Variants in CLIP4 observed in about 807,000 individuals in gnomAD.
The protein encoded by CLIP4 is CAP-Gly domain-containing linker protein 4.
CLIP4 carries 47 observed loss-of-function variants against 73.1 expected under a neutral mutation model. That is an observed-to-expected ratio of 0.64 (90% CI 0.51 to 0.82). The LOEUF (loss-of-function observed/expected upper bound fraction) is 0.82. CLIP4 is among the 40% of genes least tolerant of loss of function. The pLI is 0.00. For synonymous variants in CLIP4, 306 were observed against 295.4 expected, an observed-to-expected ratio of 1.04 and a Z score of -0.37; for missense variants, 874 against 852.9, an observed-to-expected ratio of 1.02 and a Z score of -0.31.
intron 7 of CLIP4, among the ~76,000 whole-genome samples, chr2:29,144,798 C>CTTT (rs34304199): frequency 0.033 from 2,806 of 84,206 alleles, 263 homozygotes; most frequent in African/African-American, 0.12. Flanking sequence ...AGTTATATCC[C>CTTT]TTTTTTTTTT....
chr2:29,159,981 C>T lies in CLIP4; in HGVS notation c.1400-352C>T, dbSNP rs79265757. On this transcript the variant is annotated intron_variant, in intron 11 of 15. Coordinates refer to ENST00000320081, the MANE Select transcript of CLIP4 (RefSeq NM_024692.6). Reference sequence around the variant, plus strand: ...TAGCAAATCCTAACATATTTACTGTCCAGCAATTTGCAGAAACAGTTTGCT... The same window carrying T: ...TAGCAAATCCTAACATATTTACTGTTCAGCAATTTGCAGAAACAGTTTGCT... Among the ~76,000 whole-genome samples the T allele has an allele frequency of 1.2e-4, 19 of 152,330 alleles. No homozygotes were observed. The East Asian group carries it at 3.1e-3, about 25-fold the overall frequency.
At chr2:29,136,558 G>A (rs914784260) in intron 6 of CLIP4, among the ~76,000 whole-genome samples, 1 of 152,076 alleles carries the variant, frequency 6.6e-6, no homozygotes, top group South Asian at 2.1e-4. Context: ...GGACAGGGAA[G>A]CAGTCAGTTT....
At chr2:29,116,960 TTTAGA>T (rs1166713632) in intron 1 of CLIP4, among the ~76,000 whole-genome samples, 12 of 152,260 alleles carry the variant, frequency 7.9e-5, no homozygotes, top group Admixed American at 7.2e-4. Flanking sequence ...ACTAGTGATC[TTTAGA>T]TTATATAAAA....
chr2:29,157,314 A>G lies in CLIP4; in HGVS notation c.1366A>G (p.Lys456Glu). 6.2e-7 allele frequency: 1 copy of G among 1,614,124 alleles called. No homozygotes were observed. Among genetic ancestry groups the G allele is most frequent in the East Asian group, 2.2e-5 (1 of 44,876 alleles). ...CAGCAGTAACAAGAAGACAATGAGC[A>G]AAAGCCCTTCCCTTTCATCCAGAGC... The part of the protein sequence containing the change: ...AISSNKKTMS[K>E]SPSLSSRASA... Residue 456 changes from lysine (K) to glutamate (E), a missense_variant, in exon 11 of 16, where the codon AAA becomes GAA. By Grantham distance (56) the Lys-to-Glu change is moderately conservative (BLOSUM62 1). Coordinates refer to ENST00000320081, the MANE Select transcript of CLIP4 (RefSeq NM_024692.6).
chr2:29,117,344 GTT>G (rs34002777), intron 1 of CLIP4, among the ~76,000 whole-genome samples: 1 of 141,714 alleles, frequency 7.1e-6, no homozygotes. Context: ...TTTTGTTTTT[GTT>G]TTTTTTTTTT....
chr2:29,166,255 G>A (rs550641049), intron 13 of CLIP4, among the ~76,000 whole-genome samples: 4 of 152,104 alleles, frequency 2.6e-5, no homozygotes, highest in Non-Finnish European at 5.9e-5. Flanking sequence ...TCTTAATAAG[G>A]TAGTGTCCAG....
intron 14 of CLIP4, among the ~76,000 whole-genome samples, chr2:29,171,739 T>C (rs778123830): frequency 1.3e-5 from 2 of 152,032 alleles, no homozygotes; most frequent in Non-Finnish European, 2.9e-5. Context: ...AGGGTGGTCT[T>C]GATCTCCTGA....
upstream of CLIP4, among the ~76,000 whole-genome samples, chr2:29,111,488 G>A (rs1177049823): frequency 4.6e-5 from 7 of 152,272 alleles, no homozygotes; most frequent in South Asian, 1.2e-3. Flanking sequence ...GTGGCTATGG[G>A]GTCACACTCT....
chr2:29,098,590 C>T (rs912864591), intron 1 of CLIP4, among the ~76,000 whole-genome samples: 5 of 152,190 alleles, frequency 3.3e-5, no homozygotes, highest in East Asian at 3.8e-4. Context: ...AGAGGTACTA[C>T]GGTTTGTTTA....
intron 1 of CLIP4, among the ~76,000 whole-genome samples, chr2:29,103,701 T>C (rs770697181): frequency 2.1e-5 from 3 of 144,210 alleles, no homozygotes; most frequent in Non-Finnish European, 2.9e-5. Context: ...GTTTTTTTTT[T>C]GTTTTTGTTC....
chr2:29,149,741 A>G, intron 8 of CLIP4, among the ~76,000 whole-genome samples: 1 of 151,528 alleles, frequency 6.6e-6, no homozygotes, highest in East Asian at 1.9e-4. Flanking sequence ...AAAAAAAAAA[A>G]AAGAAGAATG....
intron 1 of CLIP4, among the ~76,000 whole-genome samples, chr2:29,105,714 G>C (rs1002107042): frequency 1.3e-5 from 2 of 152,188 alleles, no homozygotes; most frequent in Non-Finnish European, 1.5e-5. Context: ...GGTTTTTGGA[G>C]GTGAGGCCTT....
At chr2:29,112,860 T>C (rs7606216), upstream of CLIP4, among the ~76,000 whole-genome samples, 1 of 152,202 alleles carries the variant, frequency 6.6e-6, no homozygotes, top group Non-Finnish European at 1.5e-5. Flanking sequence ...CCATCCCATA[T>C]CCAGTCCATG....
In CLIP4 at chr2:29,131,357, T is replaced by C; in HGVS notation, c.233T>C (p.Val78Ala). Reference sequence around the variant, plus strand: ...TTATTTGCCATTTTGAGACAGTGGGTTCCTCAGGTCCAACAAAACATTGAC... The same window carrying C: ...TTATTTGCCATTTTGAGACAGTGGGCTCCTCAGGTCCAACAAAACATTGAC... ...SELFAILRQW[V>A]PQVQQNIDII... Residue 78 changes from valine (V) to alanine (A), a missense_variant, in exon 3 of 16, where the codon GTT (valine) becomes GCT (alanine). Val to Ala is a moderately conservative substitution (Grantham distance 64). Coordinates refer to ENST00000320081, the MANE Select transcript of CLIP4 (RefSeq NM_024692.6). 1 of 1,608,274 alleles carries C rather than the reference T, an allele frequency of 6.2e-7. No homozygotes were observed. Among genetic ancestry groups the C allele is most frequent in the Non-Finnish European group, 8.5e-7 (1 of 1,177,984 alleles).
intron 15 of CLIP4, among the ~76,000 whole-genome samples, chr2:29,177,048 TC>T (rs761159288): frequency 1.6e-4 from 24 of 152,296 alleles, no homozygotes; most frequent in Middle Eastern, 3.4e-3. Context: ...GACTTTTTTT[TC>T]ATGGCAATAT....
At chr2:29,175,005 T>C (rs917932338) in intron 15 of CLIP4, among the ~76,000 whole-genome samples, 1 of 152,194 alleles carries the variant, frequency 6.6e-6, no homozygotes, top group Non-Finnish European at 1.5e-5. Flanking sequence ...TAGAGCAATA[T>C]GAGGCTCTTC....
rs1032431546 is a variant in CLIP4 at position 29,140,663 on chromosome 2, C to T, written c.649-3046C>T. 2.0e-5 allele frequency among the ~76,000 whole-genome samples: 3 copies of T among 152,152 alleles called. No homozygotes were observed. In the South Asian group the frequency reaches 6.2e-4, roughly 32 times the overall value. On this transcript the variant is annotated intron_variant, in intron 6 of 15. Coordinates refer to ENST00000320081, the MANE Select transcript of CLIP4 (RefSeq NM_024692.6). ...CCCTGAGGAATCGCCACACTGACTT[C>T]CACAATGGTTGAACTAGTTTACAGT...
chr2:29,122,686 G>C (rs542137026), intron 2 of CLIP4, among the ~76,000 whole-genome samples: 1 of 152,048 alleles, frequency 6.6e-6, no homozygotes, highest in Non-Finnish European at 1.5e-5. Flanking sequence ...AATTAGCCAG[G>C]CATGGTGGTG....
chr2:29,135,453 G>T, intron 5 of CLIP4, 95 bp from the exon 6 acceptor site: 1 of 755,516 alleles, frequency 1.3e-6, no homozygotes. Flanking sequence ...TCTTACAAAT[G>T]CTATAAGTCC....
Sources: allele counts gnomAD v4.1 joint callset (sites outside exome capture counted in the v4.1 genomes callset), GRCh38; gene constraint gnomAD v4.1.1; transcripts MANE v1.5; gene names NCBI Gene and HGNC (gene_info 2026-07-23, HGNC 2026-07-21).